The following ITSN1 variants were observed in gnomAD, a reference collection of about 807,000 sequenced individuals.
The protein encoded by ITSN1 is intersectin-1.
A neutral mutation model predicts 239.8 loss-of-function variants in ITSN1; 58 were observed. That is an observed-to-expected ratio of 0.24 (90% CI 0.20 to 0.30). ITSN1 has a LOEUF of 0.30. Ranked by LOEUF, ITSN1 falls within the 10% of genes least tolerant of loss-of-function variation. The pLI, the probability that ITSN1 is intolerant of heterozygous loss-of-function variation, is 1.00. For synonymous variants in ITSN1, 780 were observed against 770.8 expected (o/e 1.01, Z -0.20); for missense variants, 1,558 against 2,103.3 (o/e 0.74, Z 5.07).
chr21:33,796,432 G>A (rs2148033911), intron 17 of ITSN1, among the ~76,000 whole-genome samples: 1 of 152,256 alleles, frequency 6.6e-6, no homozygotes, highest in South Asian at 2.1e-4. Context: ...TTCATACAGA[G>A]TAGAAATAAA....
intron 29 of ITSN1, among the ~76,000 whole-genome samples, chr21:33,845,416 C>T (rs1395105335): frequency 6.6e-6 from 1 of 152,152 alleles, no homozygotes; most frequent in Non-Finnish European, 1.5e-5. Flanking sequence ...CTCCTTCCAG[C>T]TTCCCCCACG....
At chr21:33,866,473 G>C (rs962434352) in intron 32 of ITSN1, among the ~76,000 whole-genome samples, 1 of 151,538 alleles carries the variant, frequency 6.6e-6, no homozygotes, top group Non-Finnish European at 1.5e-5. Context: ...CCAGAGCAGG[G>C]GCCTCATTGT....
chr21:33,808,013 G>A (rs1302606987), intron 20 of ITSN1, among the ~76,000 whole-genome samples: 3 of 150,584 alleles, frequency 2.0e-5, no homozygotes, highest in South Asian at 4.2e-4. Context: ...GTGAAACCCC[G>A]TCTCTACTAA....
intron 1 of ITSN1, among the ~76,000 whole-genome samples, chr21:33,648,928 C>G (rs2088240457): frequency 6.6e-6 from 1 of 152,062 alleles, no homozygotes; most frequent in Non-Finnish European, 1.5e-5. Context: ...GAAAAATTAG[C>G]CTCATCAACT....
chr21:33,683,177 T>C (rs945374591), intron 1 of ITSN1, among the ~76,000 whole-genome samples: 9 of 151,530 alleles, frequency 5.9e-5, no homozygotes, highest in African/African-American at 2.2e-4. Context: ...TCCTGGGGAA[T>C]CAGGCGCTGA....
chr21:33,742,093 G>C (rs2147346247), intron 5 of ITSN1, among the ~76,000 whole-genome samples: 1 of 127,194 alleles, frequency 7.9e-6, no homozygotes, highest in East Asian at 2.3e-4. Flanking sequence ...GTCTTGCTCT[G>C]TCCCCCAGGC....
At chr21:33,854,986 A>T (rs1276286482) in intron 29 of ITSN1, among the ~76,000 whole-genome samples, 1 of 152,166 alleles carries the variant, frequency 6.6e-6, no homozygotes. Flanking sequence ...GGCCCAGAGA[A>T]CGGACAAAAC....
At chr21:33,706,970 G>A (rs1317332228) in intron 1 of ITSN1, among the ~76,000 whole-genome samples, 2 of 151,988 alleles carry the variant, frequency 1.3e-5, no homozygotes, top group Non-Finnish European at 2.9e-5. Context: ...TGATCCACCC[G>A]CCTCGGCCTC....
intron 1 of ITSN1, among the ~76,000 whole-genome samples, chr21:33,686,598 AGTCT>A (rs2091251746): frequency 6.6e-6 from 1 of 152,170 alleles, no homozygotes; most frequent in African/African-American, 2.4e-5. Context: ...CATGTTTCAC[AGTCT>A]GTGTGACCAG....
chr21:33,794,354 T>G lies in ITSN1; in HGVS notation c.1838T>G (p.Ile613Arg). 1 of 1,612,346 alleles carries G rather than the reference T, an allele frequency of 6.2e-7. No homozygotes were observed. The highest frequency in any genetic ancestry group is 1.3e-5 in the African/African-American group (1 of 74,878). Residue 613 changes from isoleucine to arginine, a missense_variant, in exon 17 of 40, where the codon ATA becomes AGA. Transcript: ENST00000381318. ...GGTTAATTATAGGAACTAAGAGAAA[T>G]ACACAATAAGCAACAACTCCAGAAG... ...FNNQLKELRE[I>R]HNKQQLQKQK...
At chr21:33,711,651 GT>G (rs774512807) in intron 1 of ITSN1, among the ~76,000 whole-genome samples, 3 of 107,612 alleles carry the variant, frequency 2.8e-5, no homozygotes, top group African/African-American at 1.3e-4. Flanking sequence ...TTTTCTGTGT[GT>G]TGTGTGTGTG....
intron 5 of ITSN1, among the ~76,000 whole-genome samples, chr21:33,747,462 G>A (rs1333587168): frequency 6.6e-6 from 1 of 151,972 alleles, no homozygotes; most frequent in Non-Finnish European, 1.5e-5. Context: ...TTGGTGAAAA[G>A]CAATAGTCTA....
intron 14 of ITSN1, among the ~76,000 whole-genome samples, chr21:33,777,487 C>T (rs2069733825): frequency 6.6e-6 from 1 of 152,124 alleles, no homozygotes; most frequent in Non-Finnish European, 1.5e-5. Flanking sequence ...TACAAAAATG[C>T]TTGGAATTTT....
chr21:33,649,801 G>C (rs1445861839), intron 1 of ITSN1, among the ~76,000 whole-genome samples: 1 of 151,950 alleles, frequency 6.6e-6, no homozygotes, highest in Non-Finnish European at 1.5e-5. Flanking sequence ...CGGATCATGA[G>C]GTCAGGAGTT....
intron 5 of ITSN1, among the ~76,000 whole-genome samples, chr21:33,747,902 C>A (rs1174444829): frequency 6.6e-6 from 1 of 151,998 alleles, no homozygotes; most frequent in African/African-American, 2.4e-5. Flanking sequence ...TGAAGAGCAT[C>A]AAAAATGGTA....
intron 3 of ITSN1, chr21:33,721,812 T>A (rs936475284): frequency 6.6e-6 from 1 of 151,498 alleles, no homozygotes; most frequent in Non-Finnish European, 1.5e-5. Context: ...ACAAACTAAT[T>A]TTCCTGTTTG....
chr21:33,881,106 G>A (rs1984830725), intron 34 of ITSN1, among the ~76,000 whole-genome samples: 1 of 152,048 alleles, frequency 6.6e-6, no homozygotes, highest in African/African-American at 2.4e-5. Context: ...CTGGAGGGTC[G>A]CTCAACACCA....
Position 33,882,494 on chromosome 21 carries a change from G to A in ITSN1, c.4554+39G>A, listed in dbSNP as rs1225818550. On this transcript the variant is annotated intron_variant, in intron 35 of 39. Transcript: ENST00000381318. The surrounding 1 kb of genome is among the most constrained non-coding windows in gnomAD (Gnocchi z 4.5). ...TAGATTTTGCATTATCAGGGTTGAC[G>A]TGTTTGGGGAGGAAGAAGTTTCCAA... 1.1e-5 allele frequency: 17 copies of A among 1,567,040 alleles called. No individual in the cohort carries two copies. The highest frequency in any genetic ancestry group is 1.3e-5 in the Non-Finnish European group (15 of 1,141,820).
chr21:33,793,638 C>T (rs1446239997), intron 16 of ITSN1, among the ~76,000 whole-genome samples: 1 of 152,168 alleles, frequency 6.6e-6, no homozygotes, highest in African/African-American at 2.4e-5. Context: ...TACTGCTATT[C>T]CTGCAGCTAG....
Sources: allele counts gnomAD v4.1 joint callset (sites outside exome capture counted in the v4.1 genomes callset), GRCh38; gene constraint gnomAD v4.1.1; non-coding constraint Gnocchi (gnomAD v3.1); transcripts MANE v1.5; gene names NCBI Gene and HGNC (gene_info 2026-07-23, HGNC 2026-07-21).